BTBD7: variants seen among roughly 807,000 people sequenced by gnomAD.
BTBD7 encodes the protein BTB domain containing 7.
In BTBD7, 38 loss-of-function variants were observed where a neutral mutation model predicts 99.9. The observed-to-expected ratio is 0.38, with a 90% CI of 0.29 to 0.50. The LOEUF (loss-of-function observed/expected upper bound fraction) is 0.50. Among genes scored for constraint, BTBD7 ranks in the 20% least tolerant of loss-of-function variants. The pLI is 0.93. For synonymous variants in BTBD7, 520 were observed against 511.4 expected, an observed-to-expected ratio of 1.02 and a Z score of -0.23; for missense variants, 1,170 against 1,394.6, an observed-to-expected ratio of 0.84 and a Z score of 2.57.
rs766518055 is a variant in BTBD7 at position 93,293,886 on chromosome 14, C to T, written c.1134G>A (p.Leu378=). ...EEAMELYHIA[L]FLEFNMLAQG... ...GTGCAAGCATGTTAAATTCCAAGAACAGTGCTATGTGGTAAAGTTCCATGG... is the reference window on the plus strand; with the variant it reads ...GTGCAAGCATGTTAAATTCCAAGAATAGTGCTATGTGGTAAAGTTCCATGG... Residue 378 remains leucine, a synonymous_variant, in exon 3 of 11, where the codon CTG becomes CTA. Transcript: ENST00000334746. 6.2e-7 allele frequency: 1 copy of T among 1,611,482 alleles called. No individual in the cohort carries two copies. The highest frequency in any genetic ancestry group is 8.5e-7 in the Non-Finnish European group (1 of 1,179,186).
chr14:93,251,028 G>A (rs909627408), intron 8 of BTBD7, among the ~76,000 whole-genome samples: 1 of 152,154 alleles, frequency 6.6e-6, no homozygotes, highest in African/African-American at 2.4e-5. Context: ...TCTCAAAATG[G>A]GTGACTTTGT....
intron 7 of BTBD7, 48 bp downstream of exon 7, chr14:93,253,599 T>C: frequency 6.5e-7 from 1 of 1,538,530 alleles, no homozygotes; most frequent in Non-Finnish European, 8.9e-7. Flanking sequence ...ACTTTGTGCA[T>C]ATGGTTTGTA....
chr14:93,259,394 C>T (rs915835346), intron 5 of BTBD7, among the ~76,000 whole-genome samples: 8 of 152,024 alleles, frequency 5.3e-5, no homozygotes, highest in Non-Finnish European at 1.2e-4. Flanking sequence ...AGTGAGATCA[C>T]GAAAACATAA....
intron 4 of BTBD7, among the ~76,000 whole-genome samples, chr14:93,261,887 A>G (rs1248367646): frequency 1.3e-5 from 2 of 152,132 alleles, no homozygotes; most frequent in Non-Finnish European, 2.9e-5. Flanking sequence ...AGTAACCTCA[A>G]TCTTGGCTCC....
chr14:93,251,438 A>G (rs1359449660), intron 8 of BTBD7, 25 bp downstream of exon 8: 2 of 1,537,750 alleles, frequency 1.3e-6, no homozygotes, highest in East Asian at 4.6e-5. Flanking sequence ...TCATTTAAAT[A>G]TAAACACCCA....
chr14:93,242,291 G>A lies in BTBD7; in HGVS notation c.3381C>T (p.Tyr1127=). Residue 1127 remains tyrosine, a synonymous_variant, in exon 11 of 11, where the codon TAC becomes TAT. Transcript: ENST00000334746. ...RRSPSKPDFL[Y]KKSAL Reference sequence around the variant, plus strand: ...GTTGCTCTCAGAGGGCAGACTTTTTGTAGAGGAAGTCCGGCTTGCTTGGTG... The same window carrying A: ...GTTGCTCTCAGAGGGCAGACTTTTTATAGAGGAAGTCCGGCTTGCTTGGTG... 4 of 1,613,612 alleles carry A rather than the reference G, an allele frequency of 2.5e-6. No individual in the cohort carries two copies. Among genetic ancestry groups the A allele is most frequent in the Non-Finnish European group, 2.5e-6 (3 of 1,179,574 alleles).
chr14:93,258,244 G>T (rs2052452028), intron 5 of BTBD7, among the ~76,000 whole-genome samples: 1 of 151,394 alleles, frequency 6.6e-6, no homozygotes. Flanking sequence ...AGAGAGAATT[G>T]ATTGTTTTTG....
intron 1 of BTBD7, among the ~76,000 whole-genome samples, chr14:93,325,302 G>T (rs1178407488): frequency 6.6e-6 from 1 of 151,854 alleles, no homozygotes; most frequent in African/African-American, 2.4e-5. Flanking sequence ...TAGAGATGGG[G>T]TTTCGCCATG....
chr14:93,249,731 C>G (rs8018105), intron 8 of BTBD7, among the ~76,000 whole-genome samples: 58,081 of 151,932 alleles, frequency 0.38, 12,235 homozygotes, highest in African/African-American at 0.57. Context: ...TTACTATCTG[C>G]CCCTTTCTAG....
chr14:93,292,302 T>A (rs1281549065), intron 3 of BTBD7, among the ~76,000 whole-genome samples: 1 of 152,182 alleles, frequency 6.6e-6, no homozygotes, highest in Non-Finnish European at 1.5e-5. Flanking sequence ...AATATAGTTT[T>A]TTTTTTGGTA....
rs1214493305 is a variant in BTBD7, at chr14:93,263,921, G to A, written c.1235C>T (p.Pro412Leu). Residue 412 changes from proline to leucine, a missense_variant, in exon 4 of 11, where the codon CCA becomes CTA. Pro to Leu is a moderately conservative substitution (Grantham distance 98). Transcript: ENST00000334746. ...LIAILKWSSH[P>L]YGSKWVHRQA... ...TCGGTGCACCCATTTAGAGCCATAT[G>A]GATGAGAACTCCACTTGAGGATGGC... 5 of 1,614,208 alleles carry A rather than the reference G, an allele frequency of 3.1e-6. No individual in the cohort carries two copies. Among genetic ancestry groups the A allele is most frequent in the Non-Finnish European group, 1.7e-6 (2 of 1,180,012 alleles).
chr14:93,312,616 C>A (rs1482254478), intron 1 of BTBD7, among the ~76,000 whole-genome samples: 2 of 152,132 alleles, frequency 1.3e-5, no homozygotes, highest in Non-Finnish European at 2.9e-5. Context: ...ATCTGAGCCC[C>A]CAACCTGTCT....
chr14:93,274,485 A>G (rs11621025), intron 3 of BTBD7, among the ~76,000 whole-genome samples: 25,381 of 152,178 alleles, frequency 0.17, 2,354 homozygotes, highest in East Asian at 0.31. Flanking sequence ...CACTTTTCCA[A>G]TGGAGGGATG....
intron 1 of BTBD7, among the ~76,000 whole-genome samples, chr14:93,296,545 T>G (rs2052928880): frequency 6.6e-6 from 1 of 152,186 alleles, no homozygotes; most frequent in Admixed American, 6.5e-5. Flanking sequence ...TTTACAAACA[T>G]TTAAGAGGTC....
intron 1 of BTBD7, among the ~76,000 whole-genome samples, chr14:93,299,081 A>C (rs2052963153): frequency 1.3e-5 from 2 of 152,150 alleles, no homozygotes; most frequent in Admixed American, 1.3e-4. Context: ...CTATATACTA[A>C]AATAAACACA....
At chr14:93,316,952 G>A (rs1340360910) in intron 1 of BTBD7, among the ~76,000 whole-genome samples, 1 of 152,230 alleles carries the variant, frequency 6.6e-6, no homozygotes, top group African/African-American at 2.4e-5. Flanking sequence ...ACCAAGTCAT[G>A]CACATTCCTG....
intron 5 of BTBD7, 57 bp downstream of exon 5, chr14:93,261,545 T>C (rs2052488982): frequency 7.4e-7 from 1 of 1,348,694 alleles, no homozygotes; most frequent in Admixed American, 1.7e-5. Flanking sequence ...CATTTCTATA[T>C]AAGAACCACC....
chr14:93,314,504 A>G (rs370635099), intron 1 of BTBD7, among the ~76,000 whole-genome samples: 6 of 152,198 alleles, frequency 3.9e-5, no homozygotes, highest in South Asian at 4.1e-4. Flanking sequence ...ATTTTACTTT[A>G]CCTTAAAAAA....
At chr14:93,243,350 C>T (rs12147660) in intron 10 of BTBD7, among the ~76,000 whole-genome samples, 6,104 of 152,140 alleles carry the variant, frequency 0.04, 164 homozygotes, top group Non-Finnish European at 0.059. Flanking sequence ...CCCGCCACCA[C>T]GCCCAGCTAA....
Sources: allele counts gnomAD v4.1 joint callset (sites outside exome capture counted in the v4.1 genomes callset), GRCh38; gene constraint gnomAD v4.1.1; transcripts MANE v1.5; gene names NCBI Gene and HGNC (gene_info 2026-07-23, HGNC 2026-07-21).